ALS2: variants seen among roughly 807,000 people sequenced by gnomAD.
ALS2 encodes the protein alsin Rho guanine nucleotide exchange factor ALS2.
ALS2 carries 117 observed loss-of-function variants against 203.4 expected under a neutral mutation model. That is an observed-to-expected ratio of 0.58 (90% CI 0.50 to 0.67). The LOEUF (loss-of-function observed/expected upper bound fraction) is 0.67, where lower values mean the gene tolerates loss of function less well. Ranked by LOEUF, ALS2 falls within the 30% of genes least tolerant of loss-of-function variation. The pLI is 0.00. For missense variants in ALS2, 1,715 were observed against 1,989.4 expected (o/e 0.86, Z 2.62); for synonymous variants, 718 against 725.9 (o/e 0.99, Z 0.17).
intron 7 of ALS2, among the ~76,000 whole-genome samples, chr2:201,750,309 T>G (rs922239969): frequency 6.6e-6 from 1 of 152,198 alleles, no homozygotes; most frequent in East Asian, 1.9e-4. Flanking sequence ...TGATGATTCA[T>G]TCTCACAACA....
At chr2:201,776,941 C>T (rs1426781421) in intron 1 of ALS2, among the ~76,000 whole-genome samples, 1 of 152,204 alleles carries the variant, frequency 6.6e-6, no homozygotes, top group Non-Finnish European at 1.5e-5. Flanking sequence ...AACCATTTAA[C>T]ACATTGTCAT....
intron 7 of ALS2, among the ~76,000 whole-genome samples, chr2:201,750,094 A>T (rs1452944917): frequency 6.6e-6 from 1 of 151,818 alleles, no homozygotes; most frequent in Non-Finnish European, 1.5e-5. Context: ...TGAACCCGGC[A>T]GGCAGAAGTT....
chr2:201,769,060 G>A (rs1289597042), intron 1 of ALS2, 115 bp from the exon 2 acceptor site: 5 of 567,402 alleles, frequency 8.8e-6, no homozygotes, highest in Non-Finnish European at 1.2e-5. Flanking sequence ...TAAATATGCA[G>A]TAAAACTATT....
chr2:201,704,296 A>G, intron 32 of ALS2, 78 bp from the exon 33 acceptor site: 3 of 1,506,820 alleles, frequency 2.0e-6, no homozygotes, highest in Non-Finnish European at 2.8e-6. Context: ...TGATGGGAAA[A>G]AGAAAGAACA....
intron 10 of ALS2, among the ~76,000 whole-genome samples, chr2:201,742,244 T>A (rs1367322308): frequency 1.3e-5 from 2 of 152,214 alleles, no homozygotes; most frequent in African/African-American, 4.8e-5. Context: ...TTAGTGACAG[T>A]CAGGAATTAA....
At chr2:201,713,955 CA>C (rs1049534508) in intron 25 of ALS2, among the ~76,000 whole-genome samples, 3 of 152,080 alleles carry the variant, frequency 2.0e-5, no homozygotes, top group Middle Eastern at 3.2e-3. Context: ...ATTCATAAAA[CA>C]GTAAACATAG....
intron 3 of ALS2, among the ~76,000 whole-genome samples, chr2:201,764,608 A>G (rs573052570): frequency 3.2e-4 from 49 of 151,970 alleles, no homozygotes; most frequent in African/African-American, 1.1e-3. Flanking sequence ...CACTCCAGCC[A>G]GGGCAACAGA....
intron 11 of ALS2, 194 bp downstream of exon 11, chr2:201,741,480 A>T: frequency 3.4e-6 from 2 of 593,458 alleles, no homozygotes; most frequent in Admixed American, 5.9e-5. Context: ...CATTATTTTT[A>T]AATTTTTTTT....
intron 3 of ALS2, among the ~76,000 whole-genome samples, chr2:201,764,603 C>T (rs1001960115): frequency 6.6e-6 from 1 of 151,692 alleles, no homozygotes; most frequent in African/African-American, 2.4e-5. Flanking sequence ...CACCACACTC[C>T]AGCCAGGGCA....
chr2:201,750,836 A>G (rs1020158409), intron 7 of ALS2, among the ~76,000 whole-genome samples: 7 of 152,106 alleles, frequency 4.6e-5, no homozygotes, highest in Non-Finnish European at 7.4e-5. Flanking sequence ...GTACTGAATT[A>G]AGTTCTTTCC....
At chr2:201,722,578 T>A (rs1302826570) in intron 23 of ALS2, 1 of 156,628 alleles carries the variant, frequency 6.4e-6, no homozygotes, top group East Asian at 1.9e-4. Context: ...AAGTTGGAAA[T>A]AACCCAATGT....
intron 8 of ALS2, among the ~76,000 whole-genome samples, chr2:201,748,140 C>A (rs951530804): frequency 6.6e-6 from 1 of 152,074 alleles, no homozygotes; most frequent in African/African-American, 2.4e-5. Flanking sequence ...GACGAACAAC[C>A]CCTAATCTAT....
rs553048738 is a variant in ALS2 at position 201,754,614 on chromosome 2, G to A, written c.1529C>T (p.Thr510Ile). Residue 510 changes from threonine to isoleucine, a missense_variant, in exon 6 of 34, where the codon ACC (threonine) becomes ATC (isoleucine). Coordinates refer to ENST00000264276, the MANE Select transcript of ALS2 (RefSeq NM_020919.4). ...ARVKTRTVVL[T>I]PTYSGEADAL... The stretch of plus-strand genomic sequence containing the variant: ...ATCTGCTTCTCCACTGTATGTGGGG[G>A]TCAGAACCACTGTCCTCGTTTTCAC... 2.5e-6 allele frequency: 4 copies of A among 1,614,120 alleles called. No individual in the cohort carries two copies. The highest frequency in any genetic ancestry group is 1.1e-5 in the South Asian group (1 of 91,086).
At chr2:201,702,800 C>T (rs891753423) in intron 33 of ALS2, among the ~76,000 whole-genome samples, 2 of 152,260 alleles carry the variant, frequency 1.3e-5, no homozygotes, top group South Asian at 2.1e-4. Context: ...GTTTCTCCCC[C>T]TTTTCAGTTT....
At chr2:201,748,695 G>C (rs1038539586) in intron 8 of ALS2, among the ~76,000 whole-genome samples, 4 of 152,126 alleles carry the variant, frequency 2.6e-5, no homozygotes, top group African/African-American at 9.7e-5. Context: ...TTACTACTAC[G>C]ATGTTTTATA....
rs1013683461 is a variant in ALS2, at chr2:201,763,949, G to A, written c.176-2131C>T. ...TTTTTTTTAATTAATGAAGAAATAAGCACTGTTTTTTTTCTCATAAGGCAG... is the reference window on the plus strand; with the variant it reads ...TTTTTTTTAATTAATGAAGAAATAAACACTGTTTTTTTTCTCATAAGGCAG... On this transcript the variant is annotated intron_variant, in intron 3 of 33. Transcript: ENST00000264276. Among the ~76,000 whole-genome samples, 2 of 152,074 alleles carry A rather than the reference G, an allele frequency of 1.3e-5. 1 individual carries two copies. The highest frequency in any genetic ancestry group is 4.1e-4 in the South Asian group (2 of 4,826).
At chr2:201,749,630 A>T in intron 8 of ALS2, 82 bp downstream of exon 8, 2 of 1,294,988 alleles carry the variant, frequency 1.5e-6, no homozygotes, top group Non-Finnish European at 2.2e-6. Flanking sequence ...TTCCCCCGAT[A>T]TTTTAAAATA....
At chr2:201,728,481 G>C in intron 15 of ALS2, 31 bp downstream of exon 15, 1 of 1,613,492 alleles carries the variant, frequency 6.2e-7, no homozygotes, top group East Asian at 2.2e-5. Context: ...CACCTTTCAG[G>C]AATTCTTTTA....
At chr2:201,754,142 A>G (rs143805819) in intron 6 of ALS2, among the ~76,000 whole-genome samples, 1,813 of 151,848 alleles carry the variant, frequency 0.012, 32 homozygotes, top group African/African-American at 0.039. Flanking sequence ...CCTCCTGAGT[A>G]GCTGGAATTA....
Sources: allele counts gnomAD v4.1 joint callset (sites outside exome capture counted in the v4.1 genomes callset), GRCh38; gene constraint gnomAD v4.1.1; transcripts MANE v1.5; gene names NCBI Gene and HGNC (gene_info 2026-07-23, HGNC 2026-07-21).